KCNE1: variants seen among roughly 807,000 people sequenced by gnomAD.
KCNE1 encodes the protein potassium voltage-gated channel subfamily E regulatory subunit 1, also known as potassium voltage-gated channel subfamily E member 1.
In KCNE1, 1 loss-of-function variant was observed where a neutral mutation model predicts 2.9. The ratio of observed to expected loss-of-function variants is 0.34; its 90% confidence interval spans 0.12 to 1.62. The LOEUF (loss-of-function observed/expected upper bound fraction) is 1.62, where lower values mean the gene tolerates loss of function less well. KCNE1 is among the 40% of genes most tolerant of loss of function. The pLI is 0.36. For synonymous variants in KCNE1, 23 were observed against 65.4 expected, an observed-to-expected ratio of 0.35 and a Z score of 3.13; for missense variants, 45 against 150.5, an observed-to-expected ratio of 0.30 and a Z score of 3.67.
chr21:34,504,725 GA>G (rs1195293328), intron 2 of KCNE1, among the ~76,000 whole-genome samples: 1 of 152,228 alleles, frequency 6.6e-6, no homozygotes. Context: ...CATGAAAAGG[GA>G]TGAAGTACTT....
chr21:34,511,154 C>T lies in KCNE1; in HGVS notation c.-215G>A. On this transcript the variant is annotated 5_prime_UTR_variant, in exon 2 of 4. Coordinates refer to ENST00000399286, the MANE Select transcript of KCNE1 (RefSeq NM_000219.6). ...CACACTGCGGTGTCCACACCATTGG[C>T]AGCAGGCTCCTTCTCTTCAGGTGGT... 1.0e-6 allele frequency: 1 copy of T among 985,732 alleles called. No homozygotes were observed. Among genetic ancestry groups the T allele is most frequent in the Non-Finnish European group, 1.2e-6 (1 of 830,152 alleles). 61.1% of individuals were successfully genotyped at this position (985,732 alleles called of 1,614,324 possible).
chr21:34,511,413 C>A, intron 1 of KCNE1, 98 bp from the exon 2 acceptor site: 1 of 419,052 alleles, frequency 2.4e-6, no homozygotes, highest in Non-Finnish European at 3.2e-6. Context: ...AGGGCTCCAC[C>A]CTTATGAATG....
chr21:34,509,131 G>A (rs1354281996), intron 2 of KCNE1, among the ~76,000 whole-genome samples: 2 of 152,228 alleles, frequency 1.3e-5, no homozygotes, highest in African/African-American at 2.4e-5. Context: ...TCTGCTCAGG[G>A]TCTCACCAGG....
At chr21:34,499,208 C>T (rs1435798263) in intron 2 of KCNE1, among the ~76,000 whole-genome samples, 1 of 152,198 alleles carries the variant, frequency 6.6e-6, no homozygotes, top group African/African-American at 2.4e-5. Flanking sequence ...AGCTCCCACA[C>T]AGTTGGTGGG....
At chr21:34,506,915 T>C (rs1983526303) in intron 2 of KCNE1, among the ~76,000 whole-genome samples, 1 of 152,096 alleles carries the variant, frequency 6.6e-6, no homozygotes, top group African/African-American at 2.4e-5. Context: ...GAAGAATGAT[T>C]TGAAGCTGGA....
chr21:34,511,015 C>A (rs1983812555), intron 2 of KCNE1, 86 bp downstream of exon 2: 3 of 410,684 alleles, frequency 7.3e-6, no homozygotes, highest in Non-Finnish European at 9.8e-6. Flanking sequence ...AGCGCCTCTC[C>A]CTTAGCCTGA....
At chr21:34,508,254 C>T (rs996357426) in intron 2 of KCNE1, among the ~76,000 whole-genome samples, 2 of 151,776 alleles carry the variant, frequency 1.3e-5, no homozygotes, top group African/African-American at 4.8e-5. Flanking sequence ...TCTCCAACTC[C>T]TGGGCTCAAG....
chr21:34,496,873 G>A (rs1351969504), intron 2 of KCNE1, among the ~76,000 whole-genome samples: 1 of 152,100 alleles, frequency 6.6e-6, no homozygotes, highest in Admixed American at 6.5e-5. Flanking sequence ...TTAGGATTGT[G>A]ATATTTTCCT....
chr21:34,510,860 A>T, intron 2 of KCNE1: 1 of 152,750 alleles, frequency 6.5e-6, no homozygotes, highest in African/African-American at 2.4e-5. Flanking sequence ...CCCTGGCCTG[A>T]GGCCTTCTCT....
intron 2 of KCNE1, among the ~76,000 whole-genome samples, chr21:34,508,123 C>T (rs1333396813): frequency 1.3e-5 from 2 of 151,308 alleles, no homozygotes; most frequent in Non-Finnish European, 2.9e-5. Flanking sequence ...GCCTCCTGGG[C>T]TCAAGCAATT....
intron 2 of KCNE1, among the ~76,000 whole-genome samples, chr21:34,498,662 G>A (rs780771263): frequency 1.3e-5 from 2 of 152,188 alleles, no homozygotes; most frequent in Non-Finnish European, 2.9e-5. Context: ...TTAGTGTGAC[G>A]GCTTTCTCAA....
chr21:34,504,624 C>T (rs1983371884), intron 2 of KCNE1, among the ~76,000 whole-genome samples: 1 of 152,194 alleles, frequency 6.6e-6, no homozygotes, highest in Middle Eastern at 3.2e-3. Flanking sequence ...ATGTGCATAG[C>T]AGCATTATTC....
intron 2 of KCNE1, among the ~76,000 whole-genome samples, chr21:34,506,379 G>C (rs567376521): frequency 6.6e-6 from 1 of 152,320 alleles, no homozygotes; most frequent in East Asian, 1.9e-4. Context: ...CATGGAGGAT[G>C]AGAACCAATC....
intron 2 of KCNE1, among the ~76,000 whole-genome samples, chr21:34,499,090 G>A (rs1030680679): frequency 5.3e-5 from 8 of 152,206 alleles, no homozygotes; most frequent in African/African-American, 1.4e-4. Flanking sequence ...TCGGGGGTGA[G>A]AATGTGGTTC....
At position 34,511,206 on chromosome 21, in the gene KCNE1, G is replaced by T. The variant is rs1408422870; in HGVS notation, c.-267C>A. ...TTAGGAACTTCTCAGAACTTTTTGA[G>T]TTATCCTTCTGGTCTCTTCCTCCTG... On this transcript the variant is annotated 5_prime_UTR_variant, in exon 2 of 4. Coordinates refer to ENST00000399286, the MANE Select transcript of KCNE1 (RefSeq NM_000219.6). The T allele has an allele frequency of 3.0e-6, 3 of 985,644 alleles. No individual in the cohort carries two copies. The highest frequency in any genetic ancestry group is 3.6e-6 in the Non-Finnish European group (3 of 830,216). 61.1% of individuals were successfully genotyped at this position (985,644 alleles called of 1,614,324 possible).
At chr21:34,499,404 C>A (rs898242518) in intron 2 of KCNE1, among the ~76,000 whole-genome samples, 1 of 152,228 alleles carries the variant, frequency 6.6e-6, no homozygotes, top group Non-Finnish European at 1.5e-5. Context: ...CTATCTGTAG[C>A]AGTTCCCTTT....
At chr21:34,495,644 C>G (rs2211699) in intron 2 of KCNE1, among the ~76,000 whole-genome samples, 46,546 of 144,578 alleles carry the variant, frequency 0.32, 8,126 homozygotes, top group East Asian at 0.73. Flanking sequence ...CATTCTTCTA[C>G]ATTTTCTAGT....
chr21:34,495,876 A>T (rs2123500672), intron 2 of KCNE1, among the ~76,000 whole-genome samples: 1 of 151,980 alleles, frequency 6.6e-6, no homozygotes, highest in South Asian at 2.1e-4. Flanking sequence ...TTTACATTTC[A>T]TTTAGTTCTG....
intron 2 of KCNE1, among the ~76,000 whole-genome samples, chr21:34,496,308 C>T (rs761645100): frequency 6.6e-6 from 1 of 152,090 alleles, no homozygotes; most frequent in Non-Finnish European, 1.5e-5. Flanking sequence ...CTCCTGACCT[C>T]GTGATCCACC....
Sources: allele counts gnomAD v4.1 joint callset (sites outside exome capture counted in the v4.1 genomes callset), GRCh38; gene constraint gnomAD v4.1.1; transcripts MANE v1.5; gene names NCBI Gene and HGNC (gene_info 2026-07-23, HGNC 2026-07-21).